PDE6A: variants seen among roughly 807,000 people sequenced by gnomAD.
PDE6A encodes the protein rod cGMP-specific 3',5'-cyclic phosphodiesterase subunit alpha.
PDE6A carries 84 observed loss-of-function variants against 106.3 expected under a neutral mutation model. The observed-to-expected ratio is 0.79, with a 90% CI of 0.66 to 0.95. The LOEUF is 0.95. PDE6A is among the 40% of genes least tolerant of loss of function. The pLI, the probability that PDE6A is intolerant of heterozygous loss-of-function variation, is 0.00. For synonymous variants in PDE6A, 394 were observed against 386.6 expected (o/e 1.02, Z -0.23); for missense variants, 1,052 against 1,084.9 (o/e 0.97, Z 0.43).
chr5:149,906,328 C>T (rs1432715487), intron 7 of PDE6A, among the ~76,000 whole-genome samples: 1 of 151,328 alleles, frequency 6.6e-6, no homozygotes, highest in African/African-American at 2.4e-5. Context: ...GTGTTCGAAA[C>T]CAGCCTGGCT....
At chr5:149,937,072 T>C (rs1754205080) in intron 1 of PDE6A, among the ~76,000 whole-genome samples, 1 of 152,162 alleles carries the variant, frequency 6.6e-6, no homozygotes, top group Admixed American at 6.5e-5. Flanking sequence ...GATGGTGCTG[T>C]AGAGAGTGAT....
intron 5 of PDE6A, among the ~76,000 whole-genome samples, chr5:149,920,517 T>C (rs547822981): frequency 1.0e-3 from 156 of 152,076 alleles, no homozygotes; most frequent in African/African-American, 2.3e-3. Context: ...GAGGCAGAGG[T>C]TGCAGTGAGC....
intron 1 of PDE6A, among the ~76,000 whole-genome samples, chr5:149,940,609 T>G (rs891893170): frequency 2.0e-5 from 3 of 151,704 alleles, no homozygotes; most frequent in Non-Finnish European, 2.9e-5. Flanking sequence ...ATGATTCTCC[T>G]GCCTCAGCCT....
At chr5:149,905,088 C>T (rs1480448237) in intron 7 of PDE6A, among the ~76,000 whole-genome samples, 1 of 152,174 alleles carries the variant, frequency 6.6e-6, no homozygotes, top group South Asian at 2.1e-4. Context: ...TGCTGCATGT[C>T]ATCATTTCCT....
At chr5:149,872,437 G>A (rs1440869843) in intron 17 of PDE6A, among the ~76,000 whole-genome samples, 4 of 152,116 alleles carry the variant, frequency 2.6e-5, no homozygotes, top group Admixed American at 1.3e-4. Context: ...TCTCACTCAC[G>A]TTCTGGGTCA....
chr5:149,877,208 A>G (rs1385796522), intron 17 of PDE6A, among the ~76,000 whole-genome samples: 1 of 151,980 alleles, frequency 6.6e-6, no homozygotes, highest in African/African-American at 2.4e-5. Flanking sequence ...AACCCCACCC[A>G]CTGGCTGGGA....
At chr5:149,933,621 C>T (rs934710257) in intron 3 of PDE6A, among the ~76,000 whole-genome samples, 2 of 152,152 alleles carry the variant, frequency 1.3e-5, no homozygotes, top group Admixed American at 6.5e-5. Context: ...TTGAGGGTGG[C>T]ACCATAATCA....
In PDE6A at chr5:149,943,553, T is replaced by G. The variant is rs545011479; in HGVS notation, c.474+647A>C. ...ACAAGCTGGTCTCAAACTCTTGGGC[T>G]CAAGTGATTCTCTTGCCTCAGCCCT... On this transcript the variant is annotated intron_variant, in intron 1 of 21. Coordinates refer to ENST00000255266, the MANE Select transcript of PDE6A (RefSeq NM_000440.3). Among the ~76,000 whole-genome samples, 22 of 152,344 alleles carry G rather than the reference T, an allele frequency of 1.4e-4. 1 individual carries two copies. In the South Asian group the frequency reaches 4.4e-3, roughly 30 times the overall value.
At chr5:149,930,641 T>A (rs1754006356) in intron 4 of PDE6A, among the ~76,000 whole-genome samples, 1 of 152,208 alleles carries the variant, frequency 6.6e-6, no homozygotes, top group Admixed American at 6.5e-5. Flanking sequence ...CTGGAATAGA[T>A]AAATTGCAGC....
chr5:149,871,102 TG>T (rs543141515), intron 17 of PDE6A, among the ~76,000 whole-genome samples: 126 of 152,318 alleles, frequency 8.3e-4, no homozygotes, highest in Middle Eastern at 6.8e-3. Context: ...GTCTTATATG[TG>T]GAAGCCCTAA....
At chr5:149,921,753 C>A (rs771150777) in intron 4 of PDE6A, 44 bp from the exon 5 acceptor site, 1 of 1,508,070 alleles carries the variant, frequency 6.6e-7, no homozygotes, top group Admixed American at 1.7e-5. Context: ...GAAAAGAGAT[C>A]AAGGAAAGGA....
At chr5:149,939,071 G>A (rs1257036158) in intron 1 of PDE6A, among the ~76,000 whole-genome samples, 1 of 152,158 alleles carries the variant, frequency 6.6e-6, no homozygotes, top group Non-Finnish European at 1.5e-5. Flanking sequence ...TGGGGCCCAA[G>A]GTTGCATTCT....
At chr5:149,942,103 A>G (rs919237602) in intron 1 of PDE6A, among the ~76,000 whole-genome samples, 1 of 152,078 alleles carries the variant, frequency 6.6e-6, no homozygotes, top group South Asian at 2.1e-4. Flanking sequence ...ACAGGACCAC[A>G]GGTGTGCACC....
At chr5:149,875,735 C>T (rs969109932) in intron 17 of PDE6A, among the ~76,000 whole-genome samples, 9 of 152,180 alleles carry the variant, frequency 5.9e-5, no homozygotes, top group South Asian at 2.1e-4. Context: ...GCCATCCTCT[C>T]GCCTCAGCTT....
intron 1 of PDE6A, among the ~76,000 whole-genome samples, chr5:149,938,165 A>G (rs887001927): frequency 1.3e-5 from 2 of 152,230 alleles, no homozygotes; most frequent in Non-Finnish European, 2.9e-5. Flanking sequence ...AACTTGTCCT[A>G]TGAGTGGCTT....
intron 21 of PDE6A, among the ~76,000 whole-genome samples, chr5:149,862,415 G>A (rs950897869): frequency 2.0e-5 from 3 of 152,226 alleles, no homozygotes; most frequent in Non-Finnish European, 4.4e-5. Context: ...AGCTCATGAT[G>A]GTATAGATAG....
At chr5:149,938,756 T>G (rs1754250944) in intron 1 of PDE6A, among the ~76,000 whole-genome samples, 1 of 152,224 alleles carries the variant, frequency 6.6e-6, no homozygotes, top group Admixed American at 6.5e-5. Flanking sequence ...AAATTCAAAC[T>G]TTACTGGGCA....
At chr5:149,903,471 G>C (rs995108176) in intron 8 of PDE6A, among the ~76,000 whole-genome samples, 177 bp downstream of exon 8, 2 of 151,906 alleles carry the variant, frequency 1.3e-5, no homozygotes, top group Non-Finnish European at 2.9e-5. Flanking sequence ...ATAGGACCTT[G>C]GAAATTACCC....
At chr5:149,915,499 C>G (rs1355853383) in intron 5 of PDE6A, among the ~76,000 whole-genome samples, 1 of 152,160 alleles carries the variant, frequency 6.6e-6, no homozygotes, top group African/African-American at 2.4e-5. Flanking sequence ...GCCATAAACT[C>G]CCTCCAAGGA....
Sources: allele counts gnomAD v4.1 joint callset (sites outside exome capture counted in the v4.1 genomes callset), GRCh38; gene constraint gnomAD v4.1.1; transcripts MANE v1.5; gene names NCBI Gene and HGNC (gene_info 2026-07-23, HGNC 2026-07-21).